The following PTPRD variants were observed in gnomAD, a reference collection of about 807,000 sequenced individuals.
PTPRD encodes the protein protein tyrosine phosphatase receptor type D, also known as receptor-type tyrosine-protein phosphatase delta.
A neutral mutation model predicts 214.5 loss-of-function variants in PTPRD; 34 were observed. The ratio of observed to expected loss-of-function variants is 0.16; its 90% CI spans 0.12 to 0.21. The LOEUF (loss-of-function observed/expected upper bound fraction) is 0.21, where lower values mean the gene tolerates loss of function less well. PTPRD is among the 10% of genes least tolerant of loss of function. The pLI is 1.00. For missense variants in PTPRD, 2,545 were observed against 2,398.7 expected (o/e 1.06, Z -1.27); for synonymous variants, 1,128 against 845.7 (o/e 1.33, Z -5.79).
intron 9 of PTPRD, among the ~76,000 whole-genome samples, chr9:9,208,019 G>GATTTTTTTTTTTTTTTTT (rs1569562243): frequency 7.7e-5 from 2 of 26,038 alleles, no homozygotes; most frequent in African/African-American, 9.7e-5. Flanking sequence ...ATATATATCT[G>GATTTTTTTTTTTTTTTTT]CTTTTTTTTT....
intron 3 of PTPRD, among the ~76,000 whole-genome samples, chr9:10,239,283 T>C (rs1038534856): frequency 6.6e-6 from 1 of 150,400 alleles, no homozygotes; most frequent in Non-Finnish European, 1.5e-5. Flanking sequence ...TGAATGTGAC[T>C]AAAATGGTAT....
At chr9:10,478,147 GA>G (rs34422100) in intron 2 of PTPRD, among the ~76,000 whole-genome samples, 24 of 146,490 alleles carry the variant, frequency 1.6e-4, no homozygotes, top group Middle Eastern at 6.9e-3. Flanking sequence ...AAGTAAAATG[GA>G]AAAAAAAAAG....
chr9:8,709,447 A>G (rs1020251869), intron 12 of PTPRD, among the ~76,000 whole-genome samples: 6 of 150,220 alleles, frequency 4.0e-5, no homozygotes, highest in African/African-American at 1.2e-4. Flanking sequence ...CCCAGGAGGC[A>G]GAGCTTGCAG....
intron 12 of PTPRD, among the ~76,000 whole-genome samples, chr9:8,673,788 AG>A (rs1186044253): frequency 1.3e-5 from 2 of 152,222 alleles, no homozygotes; most frequent in Non-Finnish European, 2.9e-5. Context: ...GCACTGAAGT[AG>A]TGTTTCTCAA....
intron 4 of PTPRD, among the ~76,000 whole-genome samples, chr9:9,979,126 T>C (rs936426013): frequency 8.6e-5 from 13 of 152,020 alleles, no homozygotes; most frequent in Non-Finnish European, 1.0e-4. Context: ...CTATGAGAAA[T>C]GTCAGAGGAT....
rs545513741 is a variant in PTPRD at position 8,642,182 on chromosome 9, A to G, written c.65-5338T>C. ...ACTGACTTAAAACAGATTCATAGAA[A>G]GGATCACATGCTACAAAAGTGAAGA... On this transcript the variant is annotated intron_variant, in intron 12 of 45. Coordinates refer to ENST00000381196, the MANE Select transcript of PTPRD (RefSeq NM_002839.4). 6.6e-5 allele frequency among the ~76,000 whole-genome samples: 10 copies of G among 152,330 alleles called. No individual in the cohort carries two copies. In the East Asian group the frequency reaches 1.9e-3, roughly 29 times the overall value.
intron 3 of PTPRD, among the ~76,000 whole-genome samples, chr9:10,225,745 A>C (rs920943687): frequency 8.5e-5 from 13 of 152,174 alleles, no homozygotes; most frequent in African/African-American, 3.1e-4. Context: ...AGCATTACTT[A>C]AAAATTAAAT....
chr9:9,498,179 T>C (rs578231476), intron 8 of PTPRD, among the ~76,000 whole-genome samples: 4 of 152,184 alleles, frequency 2.6e-5, no homozygotes, highest in Admixed American at 2.0e-4. Context: ...AGCGGCACAG[T>C]TGTAGGATTT....
chr9:9,950,221 C>T (rs1013348040), intron 4 of PTPRD, among the ~76,000 whole-genome samples: 1 of 152,148 alleles, frequency 6.6e-6, no homozygotes. Context: ...ACACACCTCT[C>T]GTCTTCTCTC....
chr9:10,049,442 A>AAGAAAAG (rs1242275018), intron 3 of PTPRD, among the ~76,000 whole-genome samples: 103 of 82,254 alleles, frequency 1.3e-3, no homozygotes, highest in Admixed American at 0.011. Context: ...AAAGAAAAGA[A>AAGAAAAG]AAAAAAAAAC....
chr9:10,333,483 A>G (rs1334453533), intron 3 of PTPRD, among the ~76,000 whole-genome samples: 1 of 151,824 alleles, frequency 6.6e-6, no homozygotes, highest in Non-Finnish European at 1.5e-5. Flanking sequence ...AACGACACAG[A>G]AACAGATACC....
intron 14 of PTPRD, among the ~76,000 whole-genome samples, chr9:8,599,984 A>G (rs2094736992): frequency 6.6e-6 from 1 of 152,138 alleles, no homozygotes; most frequent in Non-Finnish European, 1.5e-5. Flanking sequence ...TTGATTTCAT[A>G]TTGTTGAAAG....
intron 3 of PTPRD, among the ~76,000 whole-genome samples, chr9:10,098,139 T>C (rs981498436): frequency 2.0e-5 from 3 of 151,796 alleles, no homozygotes; most frequent in Non-Finnish European, 4.4e-5. Context: ...GTGGCATATA[T>C]ACACCATGGA....
At chr9:9,279,410 T>C (rs1946851973) in intron 9 of PTPRD, among the ~76,000 whole-genome samples, 1 of 149,140 alleles carries the variant, frequency 6.7e-6, no homozygotes, top group Non-Finnish European at 1.5e-5. Flanking sequence ...CTTTAAAGAA[T>C]GCATTCGGTG....
In PTPRD at chr9:10,542,268, C is replaced by A. The variant is rs141964191; in HGVS notation, c.-600+70130G>T. ...CAGCTCATACTGTATTACAAAACAG[C>A]ATGAATTTTTTATAAGTTCACTGAA... On this transcript the variant is annotated intron_variant, in intron 2 of 45. Coordinates refer to ENST00000381196, the MANE Select transcript of PTPRD (RefSeq NM_002839.4). 6.6e-5 allele frequency among the ~76,000 whole-genome samples: 10 copies of A among 152,180 alleles called. 1 individual carries two copies. The highest frequency in any genetic ancestry group is 2.4e-4 in the African/African-American group (10 of 41,552).
intron 5 of PTPRD, among the ~76,000 whole-genome samples, chr9:9,895,575 A>G (rs2074731937): frequency 6.6e-6 from 1 of 152,086 alleles, no homozygotes; most frequent in Non-Finnish European, 1.5e-5. Context: ...GGTGATAACC[A>G]GAATCCACGA....
chr9:9,645,461 A>G (rs891717426), intron 7 of PTPRD, among the ~76,000 whole-genome samples: 4 of 139,454 alleles, frequency 2.9e-5, no homozygotes, highest in Non-Finnish European at 4.5e-5. Flanking sequence ...ATATATGTAT[A>G]TATATATATA....
At chr9:8,907,517 C>CAAAAAA (rs60277757) in intron 11 of PTPRD, among the ~76,000 whole-genome samples, 5 of 79,672 alleles carry the variant, frequency 6.3e-5, no homozygotes, top group East Asian at 3.0e-4. Context: ...GACTCCGTCT[C>CAAAAAA]AAAAAAAAAA....
chr9:9,522,816 G>T (rs1391441261), intron 8 of PTPRD, among the ~76,000 whole-genome samples: 1 of 152,162 alleles, frequency 6.6e-6, no homozygotes, highest in Non-Finnish European at 1.5e-5. Flanking sequence ...AGAGTGAGCA[G>T]CATAAAAGGA....
Sources: allele counts gnomAD v4.1 joint callset (sites outside exome capture counted in the v4.1 genomes callset), GRCh38; gene constraint gnomAD v4.1.1; transcripts MANE v1.5; gene names NCBI Gene and HGNC (gene_info 2026-07-23, HGNC 2026-07-21).